DCN: variants seen among roughly 807,000 people sequenced by gnomAD.
The protein encoded by DCN is decorin.
Under a neutral mutation model 36.5 loss-of-function variants are expected in DCN, and 17 were observed. That is an observed-to-expected ratio of 0.47 (90% confidence interval 0.32 to 0.70). The LOEUF (loss-of-function observed/expected upper bound fraction) is 0.70, where lower values mean the gene tolerates loss of function less well. Ranked by LOEUF, DCN falls within the 30% of genes least tolerant of loss-of-function variation. The pLI is 0.04. For missense variants in DCN, 389 were observed against 430.1 expected (o/e 0.90, Z 0.84); for synonymous variants, 163 against 161.4 (o/e 1.01, Z -0.07).
intron 3 of DCN, among the ~76,000 whole-genome samples, chr12:91,164,022 T>C (rs540078799): frequency 2.0e-5 from 3 of 152,250 alleles, no homozygotes; most frequent in African/African-American, 7.2e-5. Flanking sequence ...ATATATGGGG[T>C]ATATGTATTA....
intron 2 of DCN, among the ~76,000 whole-genome samples, chr12:91,169,205 T>A (rs1440987006): frequency 6.6e-6 from 1 of 151,664 alleles, no homozygotes; most frequent in Non-Finnish European, 1.5e-5. Flanking sequence ...AAGACCAGCC[T>A]GGGCAACATA....
intron 7 of DCN, among the ~76,000 whole-genome samples, chr12:91,149,377 C>T (rs1469941793): frequency 6.6e-6 from 1 of 151,976 alleles, no homozygotes; most frequent in African/African-American, 2.4e-5. Flanking sequence ...TCAATAGAAG[C>T]AGGAAAAACA....
intron 6 of DCN, among the ~76,000 whole-genome samples, 197 bp from the exon 7 acceptor site, chr12:91,151,989 C>T (rs994325899): frequency 3.3e-5 from 5 of 152,188 alleles, no homozygotes; most frequent in Non-Finnish European, 7.3e-5. Flanking sequence ...CTCAAAGTTA[C>T]TGTCTTTGAG....
intron 7 of DCN, among the ~76,000 whole-genome samples, chr12:91,146,645 C>T (rs1038180443): frequency 1.1e-4 from 17 of 152,116 alleles, no homozygotes; most frequent in African/African-American, 3.9e-4. Flanking sequence ...TAAGCCACCA[C>T]GACAGGCCCC....
chr12:91,182,668 A>T lies in DCN; in HGVS notation c.-47T>A, dbSNP rs1670616591. On this transcript the variant is annotated 5_prime_UTR_variant, in exon 1 of 8. Coordinates refer to ENST00000052754, the MANE Select transcript of DCN (RefSeq NM_001920.5). ...TGAAAACCATACCTTTTAATCCGGG[A>T]ATTTGCCACAGGAGCCCTCAAAGCT... is the stretch of plus-strand genomic sequence containing the variant. 1 of 151,894 alleles carries T rather than the reference A, an allele frequency of 6.6e-6. No individual in the cohort carries two copies. Among genetic ancestry groups the T allele is most frequent in the African/African-American group, 2.4e-5 (1 of 41,362 alleles). 9.4% of individuals were successfully genotyped at this position (151,894 alleles called of 1,614,324 possible).
chr12:91,148,436 G>A (rs1195053120), intron 7 of DCN, among the ~76,000 whole-genome samples: 1 of 152,024 alleles, frequency 6.6e-6, no homozygotes, highest in African/African-American at 2.4e-5. Flanking sequence ...TAACTTGAAA[G>A]CCTGGGCGTG....
intron 1 of DCN, among the ~76,000 whole-genome samples, chr12:91,181,132 T>G (rs533279446): frequency 1.3e-5 from 2 of 148,374 alleles, no homozygotes; most frequent in African/African-American, 5.1e-5. Flanking sequence ...TTTCATTTGC[T>G]CGTGTGTGTG....
chr12:91,172,207 T>C, intron 2 of DCN: 1 of 152,356 alleles, frequency 6.6e-6, no homozygotes, highest in East Asian at 1.9e-4. Context: ...ATTGTTATGC[T>C]AGAAAATGTC....
intron 3 of DCN, among the ~76,000 whole-genome samples, chr12:91,159,086 TA>T (rs1261457329): frequency 6.6e-6 from 1 of 152,188 alleles, no homozygotes; most frequent in Non-Finnish European, 1.5e-5. Context: ...TATGTATGTA[TA>T]TGTACGTGTA....
chr12:91,153,127 C>A lies in DCN; in HGVS notation c.715G>T (p.Ala239Ser), dbSNP rs768376095. 1.9e-6 allele frequency: 3 copies of A among 1,608,840 alleles called. No individual in the cohort carries two copies. The South Asian group carries it at 3.3e-5, about 18-fold the overall frequency. The change falls in exon 6 of 8, where the codon GCT (alanine) becomes TCT (serine). Residue 239 changes from alanine (A) to serine (S), a missense_variant. Physicochemically the swap from Ala to Ser is moderately conservative, Grantham distance 99. Coordinates refer to ENST00000052754, the MANE Select transcript of DCN (RefSeq NM_001920.5). ...DGNKISRVDA[A>S]SLKGLNNLAK... ...AAATTATTCAGTCCTTTCAGGCTAG[C>A]TGCATCAACTCTGCTGATTTTGTTG...
At chr12:91,180,635 C>CT (rs1242408542) in intron 1 of DCN, 1 of 152,194 alleles carries the variant, frequency 6.6e-6, no homozygotes, top group African/African-American at 2.4e-5. Context: ...CACACTGCCA[C>CT]TTTAAGTTCA....
rs1881446368 is a variant in DCN at position 91,151,785 on chromosome 12, A to G, written c.754T>C (p.Leu252=). ...ACAGCAGAGATGCTGTTGAAACTCAATCCCAACCTGCAACAGAAAGCAGAA... is the reference window on the plus strand; with the variant it reads ...ACAGCAGAGATGCTGTTGAAACTCAGTCCCAACCTGCAACAGAAAGCAGAA... The part of the protein sequence containing the change: ...KGLNNLAKLG[L]SFNSISAVDN... Residue 252 remains leucine, a synonymous_variant, in exon 7 of 8, where the codon TTG becomes CTG. Transcript: ENST00000052754. The G allele has an allele frequency of 6.2e-7, 1 of 1,613,932 alleles. No individual in the cohort carries two copies. The highest frequency in any genetic ancestry group is 1.3e-5 in the African/African-American group (1 of 74,922).
chr12:91,179,589 T>A (rs532089550), intron 1 of DCN: 32 of 152,350 alleles, frequency 2.1e-4, no homozygotes, highest in African/African-American at 7.7e-4. Flanking sequence ...TTCCTTGTTC[T>A]GTACCCGGGC....
intron 5 of DCN, among the ~76,000 whole-genome samples, chr12:91,155,842 T>A (rs1881734656): frequency 6.6e-6 from 1 of 152,156 alleles, no homozygotes; most frequent in African/African-American, 2.4e-5. Flanking sequence ...GTCAAAAGCA[T>A]GCTCTGTATT....
At chr12:91,150,854 CA>C (rs1425357616) in intron 7 of DCN, 3 of 152,104 alleles carry the variant, frequency 2.0e-5, no homozygotes, top group Admixed American at 1.3e-4. Context: ...AAATGCACAT[CA>C]ATGATAGACT....
intron 3 of DCN, among the ~76,000 whole-genome samples, chr12:91,163,374 T>G (rs1882285845): frequency 6.6e-6 from 1 of 152,212 alleles, no homozygotes; most frequent in African/African-American, 2.4e-5. Context: ...GGGGAATGCA[T>G]TAATCAAATG....
At chr12:91,157,837 C>T (rs933126049) in intron 4 of DCN, among the ~76,000 whole-genome samples, 16 of 152,210 alleles carry the variant, frequency 1.1e-4, no homozygotes, top group African/African-American at 3.4e-4. Context: ...ACCATGTTAG[C>T]CAGGATGGTC....
At chr12:91,151,538 A>T in intron 7 of DCN, 116 bp downstream of exon 7, 1 of 1,126,158 alleles carries the variant, frequency 8.9e-7, no homozygotes, top group African/African-American at 1.5e-5. Flanking sequence ...AATTCTAACT[A>T]AGACACTCTG....
At position 91,141,188 on chromosome 12, in the gene DCN, G is replaced by A. The variant is rs1475281389; in HGVS notation, c.*4870C>T. 1 of 151,982 alleles carries A rather than the reference G, an allele frequency of 6.6e-6. No homozygotes were observed. The highest frequency in any genetic ancestry group is 1.5e-5 in the Non-Finnish European group (1 of 68,026). The allele number at this position is 151,982 out of a possible 1,614,324, so 9.4% of individuals were successfully genotyped here. A position where few individuals can be genotyped will look rare whatever the true frequency, so the allele number is the denominator to read the frequency against. On this transcript the variant is annotated 3_prime_UTR_variant, in exon 8 of 8. Coordinates refer to ENST00000052754, the MANE Select transcript of DCN (RefSeq NM_001920.5). The stretch of plus-strand genomic sequence containing the variant: ...GCTCTCTGTCTTACTCAGAGTAAAA[G>A]CTCATCTTTACAATGGCCTAAAAAG...
Sources: allele counts gnomAD v4.1 joint callset (sites outside exome capture counted in the v4.1 genomes callset), GRCh38; gene constraint gnomAD v4.1.1; transcripts MANE v1.5; gene names NCBI Gene and HGNC (gene_info 2026-07-23, HGNC 2026-07-21).